Variants in OLFML2B observed in about 807,000 individuals in gnomAD.
The protein encoded by OLFML2B is olfactomedin like 2B.
Under a neutral mutation model 74.9 loss-of-function variants are expected in OLFML2B, and 57 were observed. That is an observed-to-expected ratio of 0.76 (90% CI 0.61 to 0.95). OLFML2B has a LOEUF of 0.95. Ranked by LOEUF, OLFML2B falls within the 40% of genes least tolerant of loss-of-function variation. OLFML2B has a pLI of 0.00. For synonymous variants in OLFML2B, 388 were observed against 405.8 expected, an observed-to-expected ratio of 0.96 and a Z score of 0.53; for missense variants, 986 against 970.6, an observed-to-expected ratio of 1.02 and a Z score of -0.21.
chr1:161,984,074 T>TG lies in OLFML2B; in HGVS notation c.1853dup (p.Asp619ArgfsTer21). ...TCTCGTCCACAGCAAAGTCCACGTC[T>TG]GAGTGGCCCTGCCATCGCCAGGGGG... On this transcript the variant is annotated frameshift_variant, in exon 8 of 8. Coordinates refer to ENST00000294794, the MANE Select transcript of OLFML2B (RefSeq NM_015441.3). LOFTEE classifies it high-confidence loss of function. 2 of 1,613,524 alleles carry TG rather than the reference T, an allele frequency of 1.2e-6. No individual in the cohort carries two copies.
rs550096195 is a variant in OLFML2B at position 161,983,550 on chromosome 1, C to T, written c.*125G>A. The T allele has an allele frequency of 9.4e-6, 10 of 1,063,538 alleles. No homozygotes were observed. The highest frequency in any genetic ancestry group is 1.3e-5 in the Non-Finnish European group (10 of 753,526). 65.9% of individuals were successfully genotyped at this position (1,063,538 alleles called of 1,614,324 possible). A position where few individuals can be genotyped will look rare whatever the true frequency, so the allele number is the denominator to read the frequency against. On this transcript the variant is annotated 3_prime_UTR_variant, in exon 8 of 8. Transcript: ENST00000294794. ...GACCCAAATTGTCATTTTACATTTGCAATATTATACAAAATAATATATATT... is the reference window on the plus strand; with the variant it reads ...GACCCAAATTGTCATTTTACATTTGTAATATTATACAAAATAATATATATT...
intron 6 of OLFML2B, among the ~76,000 whole-genome samples, chr1:161,995,171 G>T (rs1248865300): frequency 6.6e-6 from 1 of 152,142 alleles, no homozygotes; most frequent in East Asian, 1.9e-4. Context: ...ATAAACTATT[G>T]AAAATAATTC....
intron 3 of OLFML2B, among the ~76,000 whole-genome samples, chr1:162,012,588 A>G (rs533833455): frequency 6.6e-6 from 1 of 152,334 alleles, no homozygotes; most frequent in South Asian, 2.1e-4. Context: ...ATCTATGCTC[A>G]TGGGTGTGGT....
chr1:162,020,290 C>A (rs1690665901), intron 1 of OLFML2B, 108 bp from the exon 2 acceptor site: 1 of 1,317,106 alleles, frequency 7.6e-7, no homozygotes, highest in African/African-American at 1.5e-5. Context: ...AGTCAGAGAC[C>A]TCAGAAAACT....
At position 162,000,310 on chromosome 1, in the gene OLFML2B, G is replaced by GT; in HGVS notation, c.751dup (p.Thr251AsnfsTer21). The GT allele has an allele frequency of 6.2e-7, 1 of 1,612,870 alleles. No homozygotes were observed. The highest frequency in any genetic ancestry group is 8.5e-7 in the Non-Finnish European group (1 of 1,179,998). Reference sequence around the variant, plus strand: ...GATGGAGTTGATCTGCTGGGACACGGTTTCTTCCTGCAGAAACCGCTCTTC... The same window carrying GT: ...GATGGAGTTGATCTGCTGGGACACGGTTTTCTTCCTGCAGAAACCGCTCTTC... On this transcript the variant is annotated frameshift_variant, in exon 5 of 8. Transcript: ENST00000294794. LOFTEE classifies it high-confidence loss of function.
chr1:162,010,872 T>G (rs1335007665), intron 3 of OLFML2B, among the ~76,000 whole-genome samples: 1 of 152,028 alleles, frequency 6.6e-6, no homozygotes, highest in Non-Finnish European at 1.5e-5. Flanking sequence ...GAAGGAATGA[T>G]GACACCTACC....
At chr1:162,001,903 C>T (rs1050434162) in intron 4 of OLFML2B, among the ~76,000 whole-genome samples, 2 of 152,222 alleles carry the variant, frequency 1.3e-5, no homozygotes, top group Non-Finnish European at 2.9e-5. Flanking sequence ...ACAAATGATG[C>T]TCATATGGCC....
intron 4 of OLFML2B, among the ~76,000 whole-genome samples, chr1:162,002,069 C>T (rs1460425857): frequency 6.6e-6 from 1 of 152,186 alleles, no homozygotes; most frequent in Non-Finnish European, 1.5e-5. Flanking sequence ...GTCTGTTCAG[C>T]CAGACTCCCT....
At chr1:162,011,677 G>A (rs1403587596) in intron 3 of OLFML2B, among the ~76,000 whole-genome samples, 1 of 152,226 alleles carries the variant, frequency 6.6e-6, no homozygotes, top group Non-Finnish European at 1.5e-5. Context: ...TCAGGTGCTG[G>A]ACCAGGGCCT....
rs56395023 is a variant in OLFML2B at position 162,022,244 on chromosome 1, C to CTTTTTTTTTTTTTTTTTTTTTTTTTTTTT, written c.174+1012_174+1013insAAAAAAAAAAAAAAAAAAAAAAAAAAAAA. Among the ~76,000 whole-genome samples the CTTTTTTTTTTTTTTTTTTTTTTTTTTTTT allele has an allele frequency of 2.1e-4, 15 of 70,772 alleles. 2 individuals are homozygous for CTTTTTTTTTTTTTTTTTTTTTTTTTTTTT. The highest frequency in any genetic ancestry group is 3.7e-4 in the Admixed American group (2 of 5,342). The allele number at this position is 70,772 out of a possible 152,430, so 46.4% of individuals were successfully genotyped here. On this transcript the variant is annotated intron_variant, in intron 1 of 7. Transcript: ENST00000294794. The stretch of plus-strand genomic sequence containing the variant: ...CCCTGGCTCTACCCATGTATCTCTT[C>CTTTTTTTTTTTTTTTTTTTTTTTTTTTTT]TTTTTTTTTTTTTTTTTTTTTTTTG...
At position 162,017,440 on chromosome 1, in the gene OLFML2B, A is replaced by T; in HGVS notation, c.506T>A (p.Val169Asp). Reference sequence around the variant, plus strand: ...CACTCGCCCCACCAGTTTGGTGGTGACTGAATGTAGCTTCAGGAGATCCAG... The same window carrying T: ...CACTCGCCCCACCAGTTTGGTGGTGTCTGAATGTAGCTTCAGGAGATCCAG... The part of the protein sequence containing the change: ...YGLDLLKLHS[V>D]TTKLVGRVDK... Residue 169 changes from valine (V) to aspartate (D), a missense_variant, in exon 3 of 8, where the codon GTC becomes GAC. Val to Asp is a radical substitution (Grantham distance 152). Transcript: ENST00000294794. 1.9e-6 allele frequency: 3 copies of T among 1,613,808 alleles called. No individual in the cohort carries two copies. In the East Asian group the frequency reaches 6.7e-5, roughly 36 times the overall value.
intron 3 of OLFML2B, among the ~76,000 whole-genome samples, chr1:162,017,148 T>C (rs1690562622): frequency 6.6e-6 from 1 of 152,166 alleles, no homozygotes; most frequent in African/African-American, 2.4e-5. Flanking sequence ...TGGAAAGACA[T>C]TGGTTATATG....
chr1:162,014,281 G>C (rs535630207), intron 3 of OLFML2B, among the ~76,000 whole-genome samples: 1 of 152,336 alleles, frequency 6.6e-6, no homozygotes, highest in South Asian at 2.1e-4. Context: ...ACTAAGCAGA[G>C]CTGCTCCCAG....
At chr1:161,985,962 C>A (rs1410611042) in intron 6 of OLFML2B, among the ~76,000 whole-genome samples, 1 of 152,208 alleles carries the variant, frequency 6.6e-6, no homozygotes, top group Non-Finnish European at 1.5e-5. Flanking sequence ...GCCTGCAATG[C>A]TTATATGCAG....
chr1:162,011,743 G>A (rs1690394192), intron 3 of OLFML2B, among the ~76,000 whole-genome samples: 1 of 152,202 alleles, frequency 6.6e-6, no homozygotes, highest in South Asian at 2.1e-4. Context: ...GGCCTGGCAG[G>A]AAAGTCAAAC....
intron 3 of OLFML2B, among the ~76,000 whole-genome samples, chr1:162,014,875 T>G (rs1690487016): frequency 6.6e-6 from 1 of 152,170 alleles, no homozygotes; most frequent in East Asian, 1.9e-4. Context: ...GCCTAGAAAT[T>G]CCCCTGGAAG....
intron 3 of OLFML2B, among the ~76,000 whole-genome samples, chr1:162,013,967 TC>T: frequency 6.7e-6 from 1 of 149,508 alleles, no homozygotes; most frequent in Admixed American, 6.6e-5. Flanking sequence ...TATTTAACAT[TC>T]AAAAAAGGCA....
chr1:162,001,939 T>C (rs1344028186), intron 4 of OLFML2B, among the ~76,000 whole-genome samples: 1 of 152,206 alleles, frequency 6.6e-6, no homozygotes, highest in Non-Finnish European at 1.5e-5. Flanking sequence ...TGGATGGCGC[T>C]GTGAGAGTGC....
chr1:161,984,776 C>T, intron 7 of OLFML2B, 28 bp downstream of exon 7: 1 of 1,604,900 alleles, frequency 6.2e-7, no homozygotes. Flanking sequence ...AGGGAAGGAG[C>T]AGTCTGGGTT....
Sources: gnomAD v4.1 joint callset for allele counts (sites outside exome capture counted in the v4.1 genomes callset) on GRCh38, gnomAD v4.1.1 for gene constraint, MANE v1.5 for transcripts, NCBI Gene and HGNC (gene_info 2026-07-23, HGNC 2026-07-21) for gene names.